KLF12: variants seen among roughly 807,000 people sequenced by gnomAD.
The protein encoded by KLF12 is KLF transcription factor 12.
KLF12 carries 9 observed loss-of-function variants against 37.8 expected under a neutral mutation model. That is an observed-to-expected ratio of 0.24 (90% CI 0.14 to 0.42). KLF12 has a LOEUF of 0.42. KLF12 is among the 10% of genes least tolerant of loss of function. The probability of loss-of-function intolerance (pLI) is 1.00; values close to 1 mark genes in which losing one functional copy is unlikely to be tolerated. For synonymous variants in KLF12, 208 were observed against 202.1 expected (o/e 1.03, Z -0.25); for missense variants, 411 against 516.0 (o/e 0.80, Z 1.97).
intron 1 of KLF12, among the ~76,000 whole-genome samples, chr13:74,003,689 G>GT (rs2138324005): frequency 6.6e-6 from 1 of 152,212 alleles, no homozygotes; most frequent in African/African-American, 2.4e-5. Context: ...ATATTGCACA[G>GT]TATTTATTAT....
At chr13:73,914,704 A>G (rs1201678061) in intron 3 of KLF12, among the ~76,000 whole-genome samples, 1 of 152,162 alleles carries the variant, frequency 6.6e-6, no homozygotes, top group African/African-American at 2.4e-5. Context: ...CTCTTCCTTC[A>G]AGAGAGCTCT....
At chr13:73,733,480 A>G (rs1877222255) in intron 6 of KLF12, among the ~76,000 whole-genome samples, 1 of 152,164 alleles carries the variant, frequency 6.6e-6, no homozygotes, top group Admixed American at 6.6e-5. Flanking sequence ...TGTAGCATGT[A>G]TCAGAATTTC....
chr13:74,117,525 T>A (rs1044036980), intron 1 of KLF12, among the ~76,000 whole-genome samples: 1 of 152,146 alleles, frequency 6.6e-6, no homozygotes, highest in Non-Finnish European at 1.5e-5. Context: ...AAACATGATA[T>A]GTAGTTATTC....
chr13:74,190,241 T>G, the KLF12 span, among the ~76,000 whole-genome samples: 1 of 152,216 alleles, frequency 6.6e-6, no homozygotes, highest in African/African-American at 2.4e-5. Flanking sequence ...CCAAACTTTT[T>G]GACCTTTGCA....
At chr13:74,134,148 G>C (rs1878430722), upstream of KLF12, among the ~76,000 whole-genome samples, 1 of 148,194 alleles carries the variant, frequency 6.7e-6, no homozygotes, top group South Asian at 2.2e-4. Flanking sequence ...TCAGGAAACC[G>C]GAGAGGCGCT....
chr13:73,835,100 C>A (rs1227692963), intron 4 of KLF12, among the ~76,000 whole-genome samples: 2 of 147,706 alleles, frequency 1.4e-5, no homozygotes, highest in Non-Finnish European at 3.0e-5. Flanking sequence ...CAAATATAGT[C>A]CTAAAAAATT....
At chr13:74,086,617 T>C (rs1378466810) in intron 1 of KLF12, among the ~76,000 whole-genome samples, 1 of 152,128 alleles carries the variant, frequency 6.6e-6, no homozygotes, top group African/African-American at 2.4e-5. Flanking sequence ...AAAACTATTA[T>C]ATTGCTCTTT....
intron 7 of KLF12, among the ~76,000 whole-genome samples, chr13:73,701,776 A>C (rs1367444106): frequency 6.6e-6 from 1 of 152,132 alleles, no homozygotes. Flanking sequence ...CTAGGTCTTC[A>C]ATTCTGAAGG....
intron 4 of KLF12, 150 bp from the exon 5 acceptor site, chr13:73,813,437 A>G: frequency 1.2e-6 from 1 of 843,044 alleles, no homozygotes; most frequent in East Asian, 2.6e-5. Context: ...TCCAGGTTTT[A>G]TGTTCTGAGT....
At chr13:74,303,129 A>G in the KLF12 span, among the ~76,000 whole-genome samples, 2 of 152,116 alleles carry the variant, frequency 1.3e-5, no homozygotes, top group African/African-American at 2.4e-5. Flanking sequence ...TCCTTTAACC[A>G]TACTTTCTTC....
intron 3 of KLF12, among the ~76,000 whole-genome samples, chr13:73,858,233 T>C (rs889742952): frequency 6.6e-6 from 1 of 152,186 alleles, no homozygotes; most frequent in Non-Finnish European, 1.5e-5. Flanking sequence ...TATTTCTAGA[T>C]CCTAGTGAAC....
Position 73,690,394 on chromosome 13 carries a change from C to T in KLF12, c.*5096G>A, listed in dbSNP as rs1392702560. 6.6e-6 allele frequency: 1 copy of T among 152,176 alleles called. No homozygotes were observed. The highest frequency in any genetic ancestry group is 2.4e-5 in the African/African-American group (1 of 41,440). 9.4% of individuals were successfully genotyped at this position (152,176 alleles called of 1,614,324 possible). A position where few individuals can be genotyped will look rare whatever the true frequency, so the allele number is the denominator to read the frequency against. On this transcript the variant is annotated 3_prime_UTR_variant, in exon 8 of 8. Coordinates refer to ENST00000377669, the MANE Select transcript of KLF12 (RefSeq NM_007249.5). Reference sequence around the variant, plus strand: ...CTCCCTGGAATAAAACAAGAATAAACACCTGTATGGTTGTTCACACTCTGT... The same window carrying T: ...CTCCCTGGAATAAAACAAGAATAAATACCTGTATGGTTGTTCACACTCTGT...
At chr13:73,888,366 A>G (rs1203769273) in intron 3 of KLF12, among the ~76,000 whole-genome samples, 1 of 152,190 alleles carries the variant, frequency 6.6e-6, no homozygotes, top group African/African-American at 2.4e-5. Context: ...GGTTACTTCT[A>G]ATATTTTTAT....
At chr13:73,737,988 T>C (rs1417045660) in intron 6 of KLF12, among the ~76,000 whole-genome samples, 1 of 132,230 alleles carries the variant, frequency 7.6e-6, no homozygotes, top group African/African-American at 3.2e-5. Context: ...AAAATCAACA[T>C]AGTTTAACTT....
chr13:73,799,219 CG>C (rs1306047529), intron 5 of KLF12, among the ~76,000 whole-genome samples: 5 of 151,866 alleles, frequency 3.3e-5, no homozygotes, highest in Non-Finnish European at 7.4e-5. Context: ...AGAGAACTTA[CG>C]AACACAAAGA....
At chr13:73,851,097 G>A (rs1885311460) in intron 3 of KLF12, among the ~76,000 whole-genome samples, 1 of 152,188 alleles carries the variant, frequency 6.6e-6, no homozygotes, top group Admixed American at 6.5e-5. Context: ...CAACGGTTGT[G>A]AAGATTGGGT....
intron 6 of KLF12, among the ~76,000 whole-genome samples, chr13:73,726,605 A>G (rs2137772011): frequency 6.6e-6 from 1 of 152,362 alleles, no homozygotes; most frequent in African/African-American, 2.4e-5. Flanking sequence ...GCATGCATCA[A>G]TACTTCACTC....
At chr13:74,057,993 G>A (rs1487691210) in intron 1 of KLF12, among the ~76,000 whole-genome samples, 1 of 149,410 alleles carries the variant, frequency 6.7e-6, no homozygotes, top group African/African-American at 2.5e-5. Flanking sequence ...TTGAGATGGA[G>A]TCTCACTCTG....
At chr13:74,164,147 C>T in the KLF12 span, among the ~76,000 whole-genome samples, 2 of 152,014 alleles carry the variant, frequency 1.3e-5, no homozygotes, top group African/African-American at 4.8e-5. Flanking sequence ...GAACTGTATT[C>T]TAGTCATGTT....
Sources: gnomAD v4.1 joint callset for allele counts (sites outside exome capture counted in the v4.1 genomes callset) on GRCh38, gnomAD v4.1.1 for gene constraint, MANE v1.5 for transcripts, NCBI Gene and HGNC (gene_info 2026-07-23, HGNC 2026-07-21) for gene names.